The following CERT1 variants were observed in gnomAD, a reference collection of about 807,000 sequenced individuals.
CERT1 encodes the protein ceramide transfer protein.
In CERT1, 31 loss-of-function variants were observed where a neutral mutation model predicts 87.9. That is an observed-to-expected ratio of 0.35 (90% confidence interval 0.27 to 0.48). CERT1 has a LOEUF of 0.48. Among genes scored for constraint, CERT1 ranks in the 20% least tolerant of loss-of-function variants. The probability of loss-of-function intolerance (pLI) is 0.99; values close to 1 mark genes in which losing one functional copy is unlikely to be tolerated. For missense variants in CERT1, 487 were observed against 758.0 expected, an observed-to-expected ratio of 0.64 and a Z score of 4.20; for synonymous variants, 289 against 250.9, an observed-to-expected ratio of 1.15 and a Z score of -1.44.
At position 75,419,379 on chromosome 5, in the gene CERT1, C is replaced by T; in HGVS notation, c.641G>A (p.Gly214Asp). Residue 214 changes from glycine to aspartate, a missense_variant, in exon 6 of 17, where the codon GGT becomes GAT. By Grantham distance (94) the Gly-to-Asp change is moderately conservative (BLOSUM62 -1). Coordinates refer to ENST00000643780, the MANE Select transcript of CERT1 (RefSeq NM_001379029.1). Reference protein sequence around the residue: ...EDDFPTTRSDGDFLHSTNGNK... With the variant: ...EDDFPTTRSDDDFLHSTNGNK... ...GCCGTTGGTACTATGCAAGAAGTCA[C>T]CATCAGAACGCGTTGTAGGAAAGTC... The T allele has an allele frequency of 6.2e-7, 1 of 1,613,040 alleles. No individual in the cohort carries two copies. Among genetic ancestry groups the T allele is most frequent in the South Asian group, 1.1e-5 (1 of 91,010 alleles).
At chr5:75,449,070 C>T (rs1404939209) in intron 3 of CERT1, among the ~76,000 whole-genome samples, 1 of 152,138 alleles carries the variant, frequency 6.6e-6, no homozygotes, top group African/African-American at 2.4e-5. Flanking sequence ...ACTGCCAATC[C>T]TACCCCTTCC....
intron 11 of CERT1, among the ~76,000 whole-genome samples, chr5:75,391,970 T>C (rs1762041405): frequency 6.6e-6 from 1 of 152,130 alleles, no homozygotes; most frequent in South Asian, 2.1e-4. Flanking sequence ...AAAAACAGAA[T>C]TGGGTTTAAA....
At position 75,459,112 on chromosome 5, in the gene CERT1, C is replaced by T. The variant is rs755542271; in HGVS notation, c.301G>A (p.Asp101Asn). ...NDSVWYLRAQ[D>N]PDHRQQWIDA... The stretch of plus-strand genomic sequence containing the variant: ...ATCCATTGCTGTCTATGATCTGGAT[C>T]CTGAGCACGAAGATACCAAACACTA... The change falls in exon 3 of 17, where the codon GAT becomes AAT. Residue 101 changes from aspartate (D) to asparagine (N), a missense_variant. Transcript: ENST00000643780. 1 of 1,612,922 alleles carries T rather than the reference C, an allele frequency of 6.2e-7. No homozygotes were observed. The highest frequency in any genetic ancestry group is 1.3e-5 in the African/African-American group (1 of 74,842).
chr5:75,417,067 T>TA (rs764531308), intron 6 of CERT1, 34 bp from the exon 7 acceptor site: 1 of 1,423,290 alleles, frequency 7.0e-7, no homozygotes, highest in South Asian at 1.2e-5. Context: ...AAAATATCTC[T>TA]AATGAGGAAA....
At chr5:75,447,180 T>G (rs1483642521) in intron 3 of CERT1, among the ~76,000 whole-genome samples, 1 of 152,134 alleles carries the variant, frequency 6.6e-6, no homozygotes, top group Middle Eastern at 3.2e-3. Flanking sequence ...TAACAGCAAT[T>G]TACCACTCAA....
At chr5:75,418,620 A>G (rs1198021585) in intron 6 of CERT1, among the ~76,000 whole-genome samples, 4 of 152,224 alleles carry the variant, frequency 2.6e-5, no homozygotes, top group African/African-American at 9.6e-5. Context: ...TACACAAACT[A>G]TGGTATATCT....
At chr5:75,405,097 G>T (rs937522404) in intron 8 of CERT1, among the ~76,000 whole-genome samples, 1 of 152,142 alleles carries the variant, frequency 6.6e-6, no homozygotes, top group Non-Finnish European at 1.5e-5. Context: ...ACCTTTGGGA[G>T]AGGAACTAAA....
chr5:75,411,038 T>C lies in CERT1; in HGVS notation c.903A>G (p.Lys301=), dbSNP rs1164186397. 4 of 1,590,944 alleles carry C rather than the reference T, an allele frequency of 2.5e-6. No individual in the cohort carries two copies. Among genetic ancestry groups the C allele is most frequent in the Admixed American group, 1.7e-5 (1 of 58,200 alleles). The change falls in exon 8 of 17, where the codon AAA becomes AAG. Residue 301 remains lysine, a synonymous_variant. Coordinates refer to ENST00000643780, the MANE Select transcript of CERT1 (RefSeq NM_001379029.1). Reference sequence around the variant, plus strand: ...CATAATCTGGTCCTCCAAAGTGGGATTTTTTCTTAAGTTCTGTCATTGCAT... The same window carrying C: ...CATAATCTGGTCCTCCAAAGTGGGACTTTTTCTTAAGTTCTGTCATTGCAT... ...YKNAMTELKK[K]SHFGGPDYEE... is the part of the protein sequence containing the mutation.
chr5:75,404,492 G>T (rs1202961682), intron 8 of CERT1, among the ~76,000 whole-genome samples: 4 of 152,062 alleles, frequency 2.6e-5, no homozygotes, highest in African/African-American at 9.7e-5. Context: ...ACATTTCAAA[G>T]ACAGTAAAAT....
At chr5:75,510,108 A>G (rs1341835735) in intron 1 of CERT1, among the ~76,000 whole-genome samples, 1 of 152,192 alleles carries the variant, frequency 6.6e-6, no homozygotes, top group Non-Finnish European at 1.5e-5. Flanking sequence ...TACTGGAAAC[A>G]GGGTGATTTC....
At position 75,444,075 on chromosome 5, in the gene CERT1, T is replaced by G. The variant is rs143750006; in HGVS notation, c.348+14990A>C. Among the ~76,000 whole-genome samples the G allele has an allele frequency of 9.9e-5, 15 of 152,176 alleles. 1 individual carries two copies. The highest frequency in any genetic ancestry group is 6.2e-4 in the South Asian group (3 of 4,826). The stretch of plus-strand genomic sequence containing the variant: ...TAGACAGCATATAGTTGATCATTTT[T>G]TTTGTTTGTTTTTGCTGTCACCCAG... On this transcript the variant is annotated intron_variant, in intron 3 of 16. Transcript: ENST00000643780.
intron 2 of CERT1, among the ~76,000 whole-genome samples, chr5:75,504,239 G>A (rs967547894): frequency 4.0e-5 from 6 of 151,684 alleles, no homozygotes; most frequent in African/African-American, 1.5e-4. Flanking sequence ...GATCTATCTC[G>A]GAAGAAAAAC....
At chr5:75,452,957 A>AT (rs1764823794) in intron 3 of CERT1, among the ~76,000 whole-genome samples, 2 of 152,222 alleles carry the variant, frequency 1.3e-5, no homozygotes, top group African/African-American at 4.8e-5. Flanking sequence ...TCTGGTATAC[A>AT]TATGTCCTTT....
chr5:75,433,620 C>A (rs562873916), intron 3 of CERT1, among the ~76,000 whole-genome samples: 2 of 152,184 alleles, frequency 1.3e-5, no homozygotes, highest in African/African-American at 4.8e-5. Context: ...TCCTAGGCTC[C>A]AGTGGTCCTC....
chr5:75,500,302 C>A (rs1030993083), intron 2 of CERT1, among the ~76,000 whole-genome samples: 2 of 152,026 alleles, frequency 1.3e-5, no homozygotes, highest in African/African-American at 4.8e-5. Flanking sequence ...CTTATGGCAA[C>A]CCTAGCAAAT....
intron 3 of CERT1, among the ~76,000 whole-genome samples, chr5:75,441,061 T>C (rs1399144748): frequency 1.3e-5 from 2 of 152,188 alleles, no homozygotes; most frequent in African/African-American, 4.8e-5. Context: ...AGTATTGGTA[T>C]AAAAGTGTTT....
upstream of CERT1, chr5:75,511,838 G>A (rs941122183): frequency 3.2e-6 from 5 of 1,548,652 alleles, no homozygotes; most frequent in African/African-American, 5.5e-5. Context: ...ATGCAGCTGT[G>A]CTGCATTCTG....
chr5:75,503,915 A>AAATTAAACATTTAAATT (rs1218241625), intron 2 of CERT1, among the ~76,000 whole-genome samples: 1 of 150,382 alleles, frequency 6.6e-6, no homozygotes, highest in African/African-American at 2.4e-5. Context: ...TGTTTAATTT[A>AAATTAAACATTTAAATT]AAATTTTCTT....
At chr5:75,376,241 T>C (rs1302904555), downstream of CERT1, 1 of 152,230 alleles carries the variant, frequency 6.6e-6, no homozygotes, top group Non-Finnish European at 1.5e-5. Context: ...GAGAGCATGT[T>C]TTACACACAA....
Sources: allele counts gnomAD v4.1 joint callset (sites outside exome capture counted in the v4.1 genomes callset), GRCh38; gene constraint gnomAD v4.1.1; transcripts MANE v1.5; gene names NCBI Gene and HGNC (gene_info 2026-07-23, HGNC 2026-07-21).